The following MADCAM1 variants were observed in gnomAD, a reference collection of about 807,000 sequenced individuals.
The protein encoded by MADCAM1 is mucosal addressin cell adhesion molecule 1.
Under a neutral mutation model 26.1 loss-of-function variants are expected in MADCAM1, and 19 were observed. The ratio of observed to expected loss-of-function variants is 0.73; its 90% CI spans 0.51 to 1.07. The LOEUF is 1.07. Ranked by LOEUF, MADCAM1 falls within the 50% of genes least tolerant of loss-of-function variation. MADCAM1 has a pLI of 0.00. For missense variants in MADCAM1, 514 were observed against 542.1 expected, an observed-to-expected ratio of 0.95 and a Z score of 0.51; for synonymous variants, 268 against 260.9, an observed-to-expected ratio of 1.03 and a Z score of -0.26.
At chr19:498,178 C>T in intron 2 of MADCAM1, 61 bp downstream of exon 2, 1 of 1,289,624 alleles carries the variant, frequency 7.8e-7, no homozygotes, top group African/African-American at 1.5e-5. Context: ...CTTCCCTATG[C>T]CACCTCTTCC....
At chr19:503,378 G>A (rs868865320) in intron 4 of MADCAM1, among the ~76,000 whole-genome samples, 15 of 151,012 alleles carry the variant, frequency 9.9e-5, no homozygotes, top group African/African-American at 2.4e-4. Flanking sequence ...TCAGGAGATC[G>A]AGACCATCCT....
intron 4 of MADCAM1, among the ~76,000 whole-genome samples, chr19:502,578 A>G (rs901041632): frequency 6.6e-6 from 1 of 152,166 alleles, no homozygotes; most frequent in African/African-American, 2.4e-5. Context: ...CTGGGATTAC[A>G]GGTGTGAGCC....
At position 505,258 on chromosome 19, in the gene MADCAM1, G is replaced by T. The variant is rs1400965287; in HGVS notation, c.*293G>T. ...ATGTCTCACGTCTCCCTAAAAATGC[G>T]TAAGACCAAGCTGTGCCCTGACCAC... On this transcript the variant is annotated 3_prime_UTR_variant, in exon 5 of 5. Coordinates refer to ENST00000215637, the MANE Select transcript of MADCAM1 (RefSeq NM_130760.3). The T allele has an allele frequency of 5.8e-6, 2 of 346,032 alleles. No homozygotes were observed. Among genetic ancestry groups the T allele is most frequent in the Non-Finnish European group, 1.1e-5 (2 of 190,040 alleles). The allele number at this position is 346,032 out of a possible 1,614,324, so 21.4% of individuals were successfully genotyped here. A position where few individuals can be genotyped will look rare whatever the true frequency, so the allele number is the denominator to read the frequency against.
At chr19:499,979 G>C (rs1978311645) in intron 3 of MADCAM1, 1 of 442,254 alleles carries the variant, frequency 2.3e-6, no homozygotes, top group Non-Finnish European at 4.5e-6. Flanking sequence ...GGAGACCCGG[G>C]AGGTCTTTGT....
rs1270034691 is a variant in MADCAM1, at chr19:504,255, C to CATTTT, written c.929-490_929-489insATTTT. Among the ~76,000 whole-genome samples, 7 of 88,148 alleles carry CATTTT rather than the reference C, an allele frequency of 7.9e-5. 1 individual carries two copies. The highest frequency in any genetic ancestry group is 1.4e-4 in the Admixed American group (1 of 7,346). 57.8% of individuals were successfully genotyped at this position (88,148 alleles called of 152,430 possible). A position where few individuals can be genotyped will look rare whatever the true frequency, so the allele number is the denominator to read the frequency against. On this transcript the variant is annotated intron_variant, in intron 4 of 4. Coordinates refer to ENST00000215637, the MANE Select transcript of MADCAM1 (RefSeq NM_130760.3). ...TGAGCCGTCCTCTCTCCGGTCTGCC[C>CATTTT]TTTTTTTTTTTTTTTTTTTTTTTTG...
intron 1 of MADCAM1, among the ~76,000 whole-genome samples, chr19:497,558 G>C (rs1437834667): frequency 6.6e-6 from 1 of 151,568 alleles, no homozygotes; most frequent in Non-Finnish European, 1.5e-5. Flanking sequence ...GAGAGGGGAA[G>C]TTGCGGGGCT....
At chr19:500,062 C>A (rs1469502982) in intron 3 of MADCAM1, 1 of 455,392 alleles carries the variant, frequency 2.2e-6, no homozygotes, top group African/African-American at 2.0e-5. Flanking sequence ...CGGGCCCTCA[C>A]GGGCCTCAGT....
rs530232099 is a variant in MADCAM1, at chr19:500,128, G to A, written c.667+1303G>A. 1.1e-5 allele frequency: 5 copies of A among 456,182 alleles called. No individual in the cohort carries two copies. In the East Asian group the frequency reaches 2.8e-4, roughly 25 times the overall value. 28.3% of individuals were successfully genotyped at this position (456,182 alleles called of 1,614,324 possible). A position where few individuals can be genotyped will look rare whatever the true frequency, so the allele number is the denominator to read the frequency against. On this transcript the variant is annotated intron_variant, in intron 3 of 4. Transcript: ENST00000215637. ...GAAGGCCAGGGCAGAAAGCCCCCAA[G>A]CACCTTCTCTCTCCACGCCAGCCTC...
intron 1 of MADCAM1, among the ~76,000 whole-genome samples, chr19:497,485 G>T (rs1436427673): frequency 6.8e-6 from 1 of 147,042 alleles, no homozygotes; most frequent in Admixed American, 6.7e-5. Flanking sequence ...GAGTTAAGGG[G>T]CTCCGAGATA....
At chr19:502,710 C>T (rs1037890533) in intron 4 of MADCAM1, among the ~76,000 whole-genome samples, 4 of 152,198 alleles carry the variant, frequency 2.6e-5, no homozygotes, top group African/African-American at 9.7e-5. Context: ...AGAAAGGGTG[C>T]TCATTGTAGA....
chr19:496,608 G>C (rs1322280614), intron 1 of MADCAM1, 57 bp downstream of exon 1: 45 of 1,128,172 alleles, frequency 4.0e-5, no homozygotes, highest in Non-Finnish European at 4.9e-5. Flanking sequence ...GCTCAGGAGA[G>C]AGGAGGGGGC....
chr19:503,668 A>G (rs1324434030), intron 4 of MADCAM1, among the ~76,000 whole-genome samples: 1 of 152,084 alleles, frequency 6.6e-6, no homozygotes, highest in Non-Finnish European at 1.5e-5. Context: ...TGGGAGGCCG[A>G]GGCAGGAGGA....
At chr19:498,900 T>TGGGGGGGC (rs1331108460) in intron 3 of MADCAM1, 75 bp downstream of exon 3, 11 of 71,840 alleles carry the variant, frequency 1.5e-4, no homozygotes, top group Non-Finnish European at 1.9e-4. Context: ...GGTGGGGGGG[T>TGGGGGGGC]GGGGGGGCAG....
At position 504,791 on chromosome 19, in the gene MADCAM1, C is replaced by T; in HGVS notation, c.975C>T (p.Ser325=). ...AGCTGCCCGCGGCTCTGTGGACCAG[C>T]AGTGCGGTGCTGGGACTGCTGCTCC... ...GDQLPAALWT[S]SAVLGLLLLA... is the part of the protein sequence containing the mutation. The change falls in exon 5 of 5, where the codon AGC becomes AGT. Residue 325 remains serine, a synonymous_variant. Transcript: ENST00000215637. 1 of 1,612,258 alleles carries T rather than the reference C, an allele frequency of 6.2e-7. No homozygotes were observed.
intron 1 of MADCAM1, among the ~76,000 whole-genome samples, chr19:497,509 G>A (rs1177529848): frequency 6.7e-6 from 1 of 148,524 alleles, no homozygotes; most frequent in African/African-American, 2.5e-5. Context: ...GGTGATTGGT[G>A]ATCCTGCCAG....
At chr19:503,422 A>G (rs1978449009) in intron 4 of MADCAM1, among the ~76,000 whole-genome samples, 1 of 151,218 alleles carries the variant, frequency 6.6e-6, no homozygotes, top group Non-Finnish European at 1.5e-5. Flanking sequence ...TCCACTAAAA[A>G]TACAAAAAAT....
intron 4 of MADCAM1, among the ~76,000 whole-genome samples, chr19:503,318 A>G (rs937947607): frequency 6.7e-6 from 1 of 149,144 alleles, no homozygotes; most frequent in African/African-American, 2.5e-5. Flanking sequence ...ACGGTGGCTT[A>G]TGCCTGTAAT....
chr19:501,608 A>G, intron 3 of MADCAM1, 61 bp from the exon 4 acceptor site: 1 of 1,519,722 alleles, frequency 6.6e-7, no homozygotes, highest in Non-Finnish European at 8.8e-7. Context: ...GCGGAGATTG[A>G]GGCAGGAGAG....
chr19:503,475 G>A (rs1043332169), intron 4 of MADCAM1, among the ~76,000 whole-genome samples: 2 of 143,400 alleles, frequency 1.4e-5, no homozygotes, highest in Non-Finnish European at 3.0e-5. Context: ...CAGCTACTCG[G>A]GAGGCTGAGG....
Sources: allele counts gnomAD v4.1 joint callset (sites outside exome capture counted in the v4.1 genomes callset), GRCh38; gene constraint gnomAD v4.1.1; transcripts MANE v1.5; gene names NCBI Gene and HGNC (gene_info 2026-07-23, HGNC 2026-07-21).